GABPB1: variants seen among roughly 807,000 people sequenced by gnomAD.
The protein encoded by GABPB1 is GA-binding protein subunit beta-1.
A neutral mutation model predicts 45.9 loss-of-function variants in GABPB1; 15 were observed. The observed-to-expected ratio is 0.33, with a 90% CI of 0.22 to 0.50. GABPB1 has a LOEUF of 0.50. GABPB1 is among the 20% of genes least tolerant of loss of function. GABPB1 has a pLI of 0.98. For missense variants in GABPB1, 252 were observed against 457.5 expected (o/e 0.55, Z 4.10); for synonymous variants, 143 against 154.4 (o/e 0.93, Z 0.55).
At chr15:50,282,199 C>CA (rs1290710891) in intron 8 of GABPB1, 2 of 429,286 alleles carry the variant, frequency 4.7e-6, no homozygotes, top group Non-Finnish European at 9.2e-6. Context: ...GACCCTGTCT[C>CA]AAAAAATAAA....
intron 1 of GABPB1, among the ~76,000 whole-genome samples, chr15:50,319,823 G>T (rs191973523): frequency 6.6e-6 from 1 of 151,618 alleles, no homozygotes; most frequent in East Asian, 1.9e-4. Flanking sequence ...AGGCGACAGA[G>T]TGAGACTCCG....
At chr15:50,334,886 T>A (rs920259643) in intron 1 of GABPB1, among the ~76,000 whole-genome samples, 3 of 152,236 alleles carry the variant, frequency 2.0e-5, no homozygotes, top group Non-Finnish European at 4.4e-5. Context: ...TATCTTTTAA[T>A]TCTATTATAT....
intron 6 of GABPB1, among the ~76,000 whole-genome samples, chr15:50,299,754 A>C (rs8042053): frequency 6.6e-6 from 1 of 152,070 alleles, no homozygotes; most frequent in Non-Finnish European, 1.5e-5. Context: ...ATCAGTCATT[A>C]AGATTTTATA....
At chr15:50,289,381 T>G in intron 7 of GABPB1, 102 bp downstream of exon 7, 2 of 746,690 alleles carry the variant, frequency 2.7e-6, no homozygotes, top group Non-Finnish European at 4.1e-6. Context: ...TTCCTGAGAA[T>G]TAAAAATAAA....
intron 6 of GABPB1, among the ~76,000 whole-genome samples, chr15:50,289,967 C>T (rs1233360249): frequency 2.6e-5 from 4 of 151,890 alleles, no homozygotes; most frequent in Non-Finnish European, 5.9e-5. Flanking sequence ...TGGGGTCTTG[C>T]TATGTTGGCC....
At chr15:50,305,293 T>G (rs905214731) in intron 2 of GABPB1, among the ~76,000 whole-genome samples, 1 of 151,562 alleles carries the variant, frequency 6.6e-6, no homozygotes, top group African/African-American at 2.4e-5. Flanking sequence ...TATCTATCTA[T>G]CTATAGATAG....
intron 6 of GABPB1, among the ~76,000 whole-genome samples, chr15:50,296,100 C>T (rs527919764): frequency 6.6e-6 from 1 of 152,262 alleles, no homozygotes; most frequent in South Asian, 2.1e-4. Context: ...GTACCCTGGA[C>T]TATCACAATT....
At chr15:50,348,777 G>A (rs992089922) in intron 1 of GABPB1, among the ~76,000 whole-genome samples, 3 of 151,908 alleles carry the variant, frequency 2.0e-5, no homozygotes, top group Non-Finnish European at 4.4e-5. Context: ...CAGAAGAATC[G>A]CTTGAACCCA....
chr15:50,329,759 T>G (rs2047887443), intron 1 of GABPB1, among the ~76,000 whole-genome samples: 1 of 152,170 alleles, frequency 6.6e-6, no homozygotes, highest in African/African-American at 2.4e-5. Flanking sequence ...GAAATCACAT[T>G]TCCATCCCTA....
Position 50,289,599 on chromosome 15 carries a change from C to T in GABPB1, c.767G>A (p.Gly256Glu), listed in dbSNP as rs2046280361. The T allele has an allele frequency of 1.2e-6, 2 of 1,613,460 alleles. No individual in the cohort carries two copies. The highest frequency in any genetic ancestry group is 1.3e-5 in the African/African-American group (1 of 74,818). Residue 256 changes from glycine (G) to glutamate (E), a missense_variant, in exon 7 of 9, where the codon GGG (glycine) becomes GAG (glutamate). Transcript: ENST00000380877. ...DGAIQQVVSS[G>E]GQQVITIVTD... ...AACTATTGTGATGACTTGCTGACCC[C>T]CTGAACTAACTACTTGCTGAATGGC...
intron 1 of GABPB1, 137 bp from the exon 2 acceptor site, chr15:50,309,935 T>G: frequency 1.9e-6 from 1 of 522,022 alleles, no homozygotes; most frequent in Non-Finnish European, 3.4e-6. Context: ...TAATTTAAAA[T>G]TACAGATCAT....
intron 1 of GABPB1, chr15:50,351,161 G>C (rs2048805316): frequency 6.6e-6 from 1 of 152,144 alleles, no homozygotes; most frequent in Non-Finnish European, 1.5e-5. Flanking sequence ...ATGAATACAA[G>C]GTCTCACTTA....
intron 1 of GABPB1, among the ~76,000 whole-genome samples, chr15:50,319,224 A>G (rs2047464000): frequency 6.6e-6 from 1 of 152,166 alleles, no homozygotes; most frequent in African/African-American, 2.4e-5. Context: ...TTTCATAAGA[A>G]GGCTTATTTT....
intron 1 of GABPB1, among the ~76,000 whole-genome samples, chr15:50,337,238 A>C (rs2048180427): frequency 6.6e-6 from 1 of 150,912 alleles, no homozygotes; most frequent in South Asian, 2.1e-4. Flanking sequence ...GACAGTGGCT[A>C]AAGAGGTAAG....
intron 1 of GABPB1, chr15:50,350,466 T>G (rs1390877711): frequency 3.3e-5 from 5 of 151,066 alleles, no homozygotes; most frequent in Non-Finnish European, 7.4e-5. Context: ...TTTTTAAAGC[T>G]GCTGAATCTA....
At chr15:50,336,991 G>A (rs1357393189) in intron 1 of GABPB1, among the ~76,000 whole-genome samples, 1 of 149,844 alleles carries the variant, frequency 6.7e-6, no homozygotes, top group Non-Finnish European at 1.5e-5. Context: ...GCTGCAGGGG[G>A]CCATGATCGC....
chr15:50,275,706 A>T lies in GABPB1; in HGVS notation c.*2926T>A, dbSNP rs2045831073. Reference sequence around the variant, plus strand: ...AGAACTCTTCTGCCATTCATATCACAAAAGATTGATGTTAAGAAAATAATT... The same window carrying T: ...AGAACTCTTCTGCCATTCATATCACTAAAGATTGATGTTAAGAAAATAATT... On this transcript the variant is annotated 3_prime_UTR_variant, in exon 9 of 9. Transcript: ENST00000380877. The T allele has an allele frequency of 6.6e-6, 1 of 152,242 alleles. No homozygotes were observed. The highest frequency in any genetic ancestry group is 1.5e-5 in the Non-Finnish European group (1 of 68,036). 9.4% of individuals were successfully genotyped at this position (152,242 alleles called of 1,614,324 possible).
chr15:50,340,631 C>T (rs2048324300), intron 1 of GABPB1, among the ~76,000 whole-genome samples: 1 of 149,934 alleles, frequency 6.7e-6, no homozygotes, highest in African/African-American at 2.4e-5. Flanking sequence ...AGATCTTTTC[C>T]TATTAGTTCA....
At chr15:50,347,976 G>GATCT (rs2141180529) in intron 1 of GABPB1, among the ~76,000 whole-genome samples, 1 of 146,158 alleles carries the variant, frequency 6.8e-6, no homozygotes, top group South Asian at 2.2e-4. Context: ...CCGGGAGGCA[G>GATCT]AGGTTACAGT....
Sources: allele counts gnomAD v4.1 joint callset (sites outside exome capture counted in the v4.1 genomes callset), GRCh38; gene constraint gnomAD v4.1.1; transcripts MANE v1.5; gene names NCBI Gene and HGNC (gene_info 2026-07-23, HGNC 2026-07-21).